The following ABCC1 variants were observed in gnomAD, a reference collection of about 807,000 sequenced individuals.
The protein encoded by ABCC1 is multidrug resistance-associated protein 1.
ABCC1 carries 83 observed loss-of-function variants against 172.9 expected under a neutral mutation model. The observed-to-expected ratio is 0.48, with a 90% CI of 0.40 to 0.58. The LOEUF is 0.58. ABCC1 is among the 20% of genes least tolerant of loss of function. The pLI is 0.00. For missense variants in ABCC1, 1,817 were observed against 2,002.7 expected, an observed-to-expected ratio of 0.91 and a Z score of 1.77; for synonymous variants, 937 against 825.2, an observed-to-expected ratio of 1.14 and a Z score of -2.32.
At chr16:16,120,562 C>T (rs2045105971) in intron 23 of ABCC1, among the ~76,000 whole-genome samples, 2 of 152,232 alleles carry the variant, frequency 1.3e-5, no homozygotes, top group South Asian at 4.2e-4. Flanking sequence ...AACGTATCAT[C>T]GTAGCCCGGG....
At chr16:16,028,804 T>C (rs1320811484) in intron 5 of ABCC1, among the ~76,000 whole-genome samples, 1 of 152,096 alleles carries the variant, frequency 6.6e-6, no homozygotes, top group East Asian at 1.9e-4. Flanking sequence ...AACTGAGGCT[T>C]GGAGGTGAAG....
At chr16:16,100,642 A>T (rs2051693939) in intron 19 of ABCC1, among the ~76,000 whole-genome samples, 1 of 152,228 alleles carries the variant, frequency 6.6e-6, no homozygotes, top group Non-Finnish European at 1.5e-5. Flanking sequence ...TTTAAAGCAG[A>T]GTTTCTCAGT....
chr16:16,087,778 C>T (rs948114717), intron 18 of ABCC1, among the ~76,000 whole-genome samples: 3 of 151,860 alleles, frequency 2.0e-5, no homozygotes, highest in Admixed American at 1.3e-4. Context: ...GATTTTAAAA[C>T]TAACACATCC....
At chr16:16,131,662 C>A (rs1203513336) in intron 26 of ABCC1, 127 bp from the exon 27 acceptor site, 10 of 1,012,490 alleles carry the variant, frequency 9.9e-6, no homozygotes, top group East Asian at 2.6e-5. Flanking sequence ...GGAAGGGCAA[C>A]CCCCCAGTGC....
intron 19 of ABCC1, among the ~76,000 whole-genome samples, chr16:16,101,893 GGTGTCCTTATCA>G (rs1367752410): frequency 6.6e-6 from 1 of 152,166 alleles, no homozygotes; most frequent in Non-Finnish European, 1.5e-5. Context: ...TGTGTCCCTT[GGTGTCCTTATCA>G]GTGTCCTTCC....
intron 2 of ABCC1, among the ~76,000 whole-genome samples, chr16:16,008,497 G>T (rs964407524): frequency 6.6e-6 from 1 of 151,492 alleles, no homozygotes; most frequent in African/African-American, 2.4e-5. Flanking sequence ...GAACCACCAC[G>T]CCTGGCCCCT....
At chr16:15,999,829 TC>T (rs2047215319) in intron 1 of ABCC1, among the ~76,000 whole-genome samples, 1 of 74,042 alleles carries the variant, frequency 1.4e-5, no homozygotes, top group African/African-American at 4.5e-5. Flanking sequence ...TCTCTCTCTC[TC>T]TCTGTCTCTT....
At chr16:15,978,701 A>G (rs1035433816) in intron 1 of ABCC1, among the ~76,000 whole-genome samples, 13 of 152,122 alleles carry the variant, frequency 8.5e-5, no homozygotes, top group Non-Finnish European at 1.9e-4. Context: ...GAGTCACTAA[A>G]TACTGGTGGC....
chr16:16,067,894 C>A (rs1165996208), intron 12 of ABCC1, among the ~76,000 whole-genome samples: 2 of 152,184 alleles, frequency 1.3e-5, no homozygotes, highest in Non-Finnish European at 2.9e-5. Context: ...GAATGCCCCT[C>A]TAGGACATCT....
chr16:15,994,859 G>A (rs1055080019), intron 1 of ABCC1, among the ~76,000 whole-genome samples: 2 of 151,408 alleles, frequency 1.3e-5, no homozygotes, highest in African/African-American at 4.9e-5. Flanking sequence ...CGCCTCCTGG[G>A]TTCAAGCAAT....
At chr16:16,091,404 CAAAA>C (rs10648689) in intron 19 of ABCC1, among the ~76,000 whole-genome samples, 13 of 108,632 alleles carry the variant, frequency 1.2e-4, no homozygotes, top group African/African-American at 3.7e-4. Flanking sequence ...CCCAACTCTA[CAAAA>C]AAAAAAAAAA....
intron 1 of ABCC1, among the ~76,000 whole-genome samples, chr16:15,996,058 C>T (rs1165876425): frequency 6.8e-6 from 1 of 147,080 alleles, no homozygotes; most frequent in Non-Finnish European, 1.5e-5. Flanking sequence ...GATCTCGGCT[C>T]ACCACAACCT....
Position 16,122,278 on chromosome 16 carries a change from AC to A in ABCC1, c.3590+108del. ...CACCTTGAGCTGGGTATAAAGCCAAACCCCGGCCTTGCAGAAAGGATGGAGA... is the reference window on the plus strand; with the variant it reads ...CACCTTGAGCTGGGTATAAAGCCAAACCCGGCCTTGCAGAAAGGATGGAGA... On this transcript the variant is annotated intron_variant, in intron 24 of 30. Transcript: ENST00000399410. 3 of 1,285,320 alleles carry A rather than the reference AC, an allele frequency of 2.3e-6. No individual in the cohort carries two copies. In the South Asian group the frequency reaches 4.0e-5, roughly 17 times the overall value. The allele number at this position is 1,285,320 out of a possible 1,614,324, so 79.6% of individuals were successfully genotyped here.
chr16:16,025,282 C>G (rs1323886310), intron 5 of ABCC1, among the ~76,000 whole-genome samples: 4 of 152,178 alleles, frequency 2.6e-5, no homozygotes, highest in Non-Finnish European at 5.9e-5. Context: ...CCCCACTTGA[C>G]AGATGAAGAC....
In ABCC1 at chr16:16,078,110, A is replaced by G. The variant is rs190569193; in HGVS notation, c.1989-1242A>G. ...GAGGCACAGGTTTCAGTGAGCCAAG[A>G]TTGAGCCACTGTACTCCAGCCTGGG... is the stretch of plus-strand genomic sequence containing the variant. On this transcript the variant is annotated intron_variant, in intron 15 of 30. Coordinates refer to ENST00000399410, the MANE Select transcript of ABCC1 (RefSeq NM_004996.4). Among the ~76,000 whole-genome samples the G allele has an allele frequency of 4.2e-3, 638 of 152,362 alleles. 6 individuals carry two copies. Among genetic ancestry groups the G allele is most frequent in the Non-Finnish European group, 6.5e-3 (445 of 68,042 alleles).
At chr16:16,054,876 A>C (rs1402590729) in intron 11 of ABCC1, among the ~76,000 whole-genome samples, 4 of 152,232 alleles carry the variant, frequency 2.6e-5, no homozygotes, top group Non-Finnish European at 5.9e-5. Flanking sequence ...TAACAACTGC[A>C]CTGCACAAGT....
chr16:16,030,249 G>A (rs1281308790), intron 5 of ABCC1, among the ~76,000 whole-genome samples: 1 of 152,130 alleles, frequency 6.6e-6, no homozygotes, highest in Non-Finnish European at 1.5e-5. Context: ...AAGGCTGGGC[G>A]CAGTGGCTCA....
chr16:16,107,451 A>G lies in ABCC1; in HGVS notation c.2871+578A>G, dbSNP rs45500991. Among the ~76,000 whole-genome samples, 871 of 152,076 alleles carry G rather than the reference A, an allele frequency of 5.7e-3. 7 individuals carry two copies. Among genetic ancestry groups the G allele is most frequent in the African/African-American group, 0.02 (830 of 41,490 alleles). On this transcript the variant is annotated intron_variant, in intron 21 of 30. Transcript: ENST00000399410. Reference sequence around the variant, plus strand: ...ATTACAGAAACTTGCTACCTTGCCCAGCTAATTTTTGTATTTTTAGTAGAG... The same window carrying G: ...ATTACAGAAACTTGCTACCTTGCCCGGCTAATTTTTGTATTTTTAGTAGAG...
chr16:16,116,189 C>T (rs952086517), intron 23 of ABCC1, among the ~76,000 whole-genome samples: 1 of 152,166 alleles, frequency 6.6e-6, no homozygotes, highest in Non-Finnish European at 1.5e-5. Context: ...CAGGCGTGAG[C>T]CACTGCGCCC....
Sources: allele counts gnomAD v4.1 joint callset (sites outside exome capture counted in the v4.1 genomes callset), GRCh38; gene constraint gnomAD v4.1.1; transcripts MANE v1.5; gene names NCBI Gene and HGNC (gene_info 2026-07-23, HGNC 2026-07-21).